The following C6orf62 variants were observed in gnomAD, a reference collection of about 807,000 sequenced individuals.
C6orf62 encodes chromosome 6 open reading frame 62.
In C6orf62, 16 loss-of-function variants were observed where a neutral mutation model predicts 26.8. The observed-to-expected ratio is 0.60, with a 90% confidence interval of 0.40 to 0.91. The LOEUF is 0.91. Among genes scored for constraint, C6orf62 ranks in the 40% least tolerant of loss-of-function variants. The pLI is 0.00. For missense variants in C6orf62, 192 were observed against 271.4 expected, an observed-to-expected ratio of 0.71 and a Z score of 2.06; for synonymous variants, 112 against 91.5, an observed-to-expected ratio of 1.22 and a Z score of -1.28.
chr6:24,718,156 A>C (rs910628278), intron 1 of C6orf62, among the ~76,000 whole-genome samples: 2 of 152,230 alleles, frequency 1.3e-5, no homozygotes, highest in African/African-American at 4.8e-5. Flanking sequence ...TTTAGCATAT[A>C]AACAGTCTGA....
intron 1 of C6orf62, among the ~76,000 whole-genome samples, chr6:24,717,343 AT>A (rs771673793): frequency 1.3e-5 from 2 of 152,242 alleles, no homozygotes; most frequent in Admixed American, 6.5e-5. Context: ...AATCTCATCA[AT>A]TTTGAGTCAG....
At position 24,716,319 on chromosome 6, in the gene C6orf62, TTTCTTCTAG is replaced by T; in HGVS notation, c.130-4_134del. 6.2e-7 allele frequency: 1 copy of T among 1,613,146 alleles called. No individual in the cohort carries two copies. ...CAGACACTTCAAAAAGTGCTGACTT[TTTCTTCTAG>T]AAGAAAAGAAAATGGTGTATTAACC... On this transcript the variant is annotated splice_acceptor_variant and splice_polypyrimidine_tract_variant and coding_sequence_variant and intron_variant, in exon 2 of 5. Coordinates refer to ENST00000378119, the MANE Select transcript of C6orf62 (RefSeq NM_030939.5). LOFTEE classifies it high-confidence loss of function.
rs139174896 is a variant in C6orf62 at position 24,709,824 on chromosome 6, A to T, written c.430-913T>A. 936 of 985,444 alleles carry T rather than the reference A, an allele frequency of 9.5e-4. 30 individuals are homozygous for T. The Admixed American group carries it at 0.049, about 52-fold the overall frequency. The allele number at this position is 985,444 out of a possible 1,614,324, so 61.0% of individuals were successfully genotyped here. A position where few individuals can be genotyped will look rare whatever the true frequency, so the allele number is the denominator to read the frequency against. On this transcript the variant is annotated intron_variant, in intron 3 of 4. Transcript: ENST00000378119. ...CCAGGCTTGATGGAGAATTCAAGAAACCTAGATTTAACAATATGATATTTA... is the reference window on the plus strand; with the variant it reads ...CCAGGCTTGATGGAGAATTCAAGAATCCTAGATTTAACAATATGATATTTA...
chr6:24,709,093 CA>C (rs1779071023), intron 3 of C6orf62, 182 bp from the exon 4 acceptor site: 1 of 984,484 alleles, frequency 1.0e-6, no homozygotes, highest in Non-Finnish European at 1.2e-6. Context: ...AGATTAAAAG[CA>C]ATTTACAATT....
chr6:24,709,038 C>A, intron 3 of C6orf62, 127 bp from the exon 4 acceptor site: 1 of 1,461,376 alleles, frequency 6.8e-7, no homozygotes, highest in Non-Finnish European at 9.0e-7. Flanking sequence ...TTTAAAAAAA[C>A]AAATTTTGGC....
At chr6:24,719,517 C>A (rs1779309362), upstream of C6orf62, 5 of 1,153,080 alleles carry the variant, frequency 4.3e-6, no homozygotes, top group Non-Finnish European at 5.4e-6. Context: ...CATTTTCACC[C>A]TCAGGCGGCT....
rs1778983478 is a variant in C6orf62, at chr6:24,705,217, T to G, written c.*920A>C. ...CCTTTTTTCTACTCCAAAACACCCT[T>G]GTAAAGTTTTTCTTTAGGATGGTGT... On this transcript the variant is annotated 3_prime_UTR_variant, in exon 5 of 5. Transcript: ENST00000378119. 6.6e-6 allele frequency: 1 copy of G among 152,618 alleles called. No homozygotes were observed. Among genetic ancestry groups the G allele is most frequent in the Admixed American group, 6.5e-5 (1 of 15,284 alleles). The allele number at this position is 152,618 out of a possible 1,614,324, so 9.5% of individuals were successfully genotyped here. A position where few individuals can be genotyped will look rare whatever the true frequency, so the allele number is the denominator to read the frequency against.
intron 3 of C6orf62, chr6:24,710,718 ACTGGGCATGG>A (rs1417844117): frequency 2.6e-6 from 2 of 765,582 alleles, no homozygotes; most frequent in Admixed American, 6.3e-5. Flanking sequence ...ATAAACGCTG[ACTGGGCATGG>A]TGGCTCAGAC....
chr6:24,718,199 T>C (rs1779272560), intron 1 of C6orf62, among the ~76,000 whole-genome samples: 1 of 152,254 alleles, frequency 6.6e-6, no homozygotes, highest in Non-Finnish European at 1.5e-5. Flanking sequence ...ATCTTATTTA[T>C]ACTCTACATT....
At chr6:24,709,723 C>T (rs1779083474) in intron 3 of C6orf62, 1 of 985,444 alleles carries the variant, frequency 1.0e-6, no homozygotes, top group Non-Finnish European at 1.2e-6. Flanking sequence ...AATCTTTTAA[C>T]ATGAGGAAGA....
intron 3 of C6orf62, among the ~76,000 whole-genome samples, chr6:24,711,239 TACACACAC>T (rs143267331): frequency 7.2e-6 from 1 of 138,684 alleles, no homozygotes; most frequent in Non-Finnish European, 1.5e-5. Context: ...AAAGAAATGG[TACACACAC>T]ACACACACAA....
rs1201801559 is a variant in C6orf62, at chr6:24,713,368, TAG to T, written c.429+948_429+949del. Among the ~76,000 whole-genome samples, 13 of 152,342 alleles carry T rather than the reference TAG, an allele frequency of 8.5e-5. No individual in the cohort carries two copies. In the South Asian group the frequency reaches 2.3e-3, roughly 27 times the overall value. ...TTAAAACATTAAAAATGATAATTAT[TAG>T]AGCTTATGTGTAGCAACATTACCAT... On this transcript the variant is annotated intron_variant, in intron 3 of 4. Coordinates refer to ENST00000378119, the MANE Select transcript of C6orf62 (RefSeq NM_030939.5).
intron 4 of C6orf62, among the ~76,000 whole-genome samples, chr6:24,707,848 A>C (rs1779039523): frequency 6.8e-6 from 1 of 146,338 alleles, no homozygotes; most frequent in African/African-American, 2.5e-5. Flanking sequence ...CTAAAATACA[A>C]AAAAAAAAAA....
chr6:24,706,141 T>C lies in C6orf62; in HGVS notation c.686A>G (p.Glu229Gly). 1.2e-6 allele frequency: 2 copies of C among 1,614,184 alleles called. No homozygotes were observed. The highest frequency in any genetic ancestry group is 2.2e-5 in the South Asian group (2 of 91,084). ...TCCATTTTGCTGGTCAGTACTCTAC[T>C]CTGGCATATAAGGACGGAGGTGATC... is the stretch of plus-strand genomic sequence containing the variant. Reference protein sequence around the residue: ...IEDHLRPYMPE With the variant: ...IEDHLRPYMPG Residue 229 changes from glutamate to glycine, a missense_variant, in exon 5 of 5, where the codon GAG (glutamate) becomes GGG (glycine). Glu to Gly is a moderately conservative substitution (Grantham distance 98). Transcript: ENST00000378119.
chr6:24,718,682 T>TA lies in C6orf62; in HGVS notation c.-15_-14insT. On this transcript the variant is annotated 5_prime_UTR_variant, in exon 1 of 5. Coordinates refer to ENST00000378119, the MANE Select transcript of C6orf62 (RefSeq NM_030939.5). ...TGGGTCCCCCATTTTGAAATACAGG[T>TA]GGTACTAAAGCCTTTGGAAATTGTC... The TA allele has an allele frequency of 6.2e-7, 1 of 1,613,748 alleles. No individual in the cohort carries two copies. The highest frequency in any genetic ancestry group is 8.5e-7 in the Non-Finnish European group (1 of 1,179,940).
upstream of C6orf62, chr6:24,719,954 G>A (rs762495439): frequency 2.6e-5 from 41 of 1,550,042 alleles, no homozygotes; most frequent in Non-Finnish European, 3.5e-5. Context: ...GAGGGTAAAT[G>A]GGAAGGTTCA....
Position 24,718,925 on chromosome 6 carries a change from A to G in C6orf62, c.-257T>C. 8.0e-7 allele frequency: 1 copy of G among 1,251,062 alleles called. No homozygotes were observed. Among genetic ancestry groups the G allele is most frequent in the Non-Finnish European group, 1.0e-6 (1 of 994,782 alleles). 77.5% of individuals were successfully genotyped at this position (1,251,062 alleles called of 1,614,324 possible). A position where few individuals can be genotyped will look rare whatever the true frequency, so the allele number is the denominator to read the frequency against. ...GTTTGGGGTCAGACGGGAAAAAGGGAGGAAAGAAAGGAAAGAAAGAGGAGA... is the reference window on the plus strand; with the variant it reads ...GTTTGGGGTCAGACGGGAAAAAGGGGGGAAAGAAAGGAAAGAAAGAGGAGA... On this transcript the variant is annotated 5_prime_UTR_variant, in exon 1 of 5. Transcript: ENST00000378119.
chr6:24,720,481 G>T (rs1779334600), upstream of C6orf62: 1 of 760,898 alleles, frequency 1.3e-6, no homozygotes, highest in Non-Finnish European at 1.7e-6. Flanking sequence ...GGGGAAGGAC[G>T]CGGAGACAGC....
At chr6:24,719,212 AGG>A, upstream of C6orf62, 5 of 987,276 alleles carry the variant, frequency 5.1e-6, no homozygotes, top group Non-Finnish European at 6.0e-6. Flanking sequence ...ACACCAAAAC[AGG>A]GTAGGTGAAT....
Sources: allele counts gnomAD v4.1 joint callset (sites outside exome capture counted in the v4.1 genomes callset), GRCh38; gene constraint gnomAD v4.1.1; transcripts MANE v1.5; gene names NCBI Gene and HGNC (gene_info 2026-07-23, HGNC 2026-07-21).